The following COL28A1 variants were observed in gnomAD, a reference collection of about 807,000 sequenced individuals.
COL28A1 encodes collagen type XXVIII alpha 1 chain.
A neutral mutation model predicts 150.2 loss-of-function variants in COL28A1; 161 were observed. That is an observed-to-expected ratio of 1.07 (90% CI 0.94 to 1.22). The LOEUF (loss-of-function observed/expected upper bound fraction) is 1.22. Ranked by LOEUF, COL28A1 falls within the 50% of genes most tolerant of loss-of-function variation. The probability of loss-of-function intolerance (pLI) is 0.00; values close to 1 mark genes in which losing one functional copy is unlikely to be tolerated. For missense variants in COL28A1, 1,617 were observed against 1,388.3 expected (o/e 1.16, Z -2.62); for synonymous variants, 552 against 469.7 (o/e 1.18, Z -2.26).
chr7:7,531,937 T>C (rs1305299534), intron 2 of COL28A1, 33 bp from the exon 3 acceptor site: 3 of 1,355,316 alleles, frequency 2.2e-6, no homozygotes, highest in Non-Finnish European at 3.1e-6. Flanking sequence ...GGCAAAATAA[T>C]TATTCCTATC....
In COL28A1 at chr7:7,479,066, T is replaced by C. The variant is rs192159668; in HGVS notation, c.1165-1886A>G. Among the ~76,000 whole-genome samples the C allele has an allele frequency of 4.6e-3, 707 of 152,326 alleles. 5 individuals carry two copies. Among genetic ancestry groups the C allele is most frequent in the East Asian group, 0.022 (114 of 5,176 alleles). On this transcript the variant is annotated intron_variant, in intron 13 of 34. Coordinates refer to ENST00000399429, the MANE Select transcript of COL28A1 (RefSeq NM_001037763.3). ...AGGCTGAGGAGGCGCCAAGAGCAAG[T>C]GAGGGCTGCGAGGGCTGCCAGCACG...
At chr7:7,441,056 C>G (rs551544532) in intron 20 of COL28A1, among the ~76,000 whole-genome samples, 195 bp from the exon 21 acceptor site, 1 of 152,276 alleles carries the variant, frequency 6.6e-6, no homozygotes, top group South Asian at 2.1e-4. Context: ...TCAGCCTTTA[C>G]TATTTATTCA....
At chr7:7,487,201 T>C (rs1418221019) in intron 13 of COL28A1, among the ~76,000 whole-genome samples, 1 of 141,094 alleles carries the variant, frequency 7.1e-6, no homozygotes, top group East Asian at 1.9e-4. Context: ...ACACTCATTC[T>C]TAAGTTTAGT....
chr7:7,339,338 C>A, the COL28A1 span, among the ~76,000 whole-genome samples: 5 of 152,272 alleles, frequency 3.3e-5, no homozygotes, highest in South Asian at 1.0e-3. Context: ...AGCCCTAACA[C>A]TCCTCTAAGA....
intron 28 of COL28A1, 109 bp downstream of exon 28, chr7:7,381,435 G>T: frequency 1.4e-6 from 1 of 739,222 alleles, no homozygotes; most frequent in South Asian, 1.8e-5. Flanking sequence ...TTTTTCTTCT[G>T]AGAGTTGTAA....
intron 27 of COL28A1, among the ~76,000 whole-genome samples, chr7:7,413,677 T>C (rs1783911433): frequency 6.6e-6 from 1 of 152,120 alleles, no homozygotes; most frequent in Non-Finnish European, 1.5e-5. Context: ...TAAAATTCTG[T>C]GTGGAAGAAA....
Position 7,391,892 on chromosome 7 carries a change from T to C in COL28A1, c.2137-10280A>G, listed in dbSNP as rs1782567894. Among the ~76,000 whole-genome samples the C allele has an allele frequency of 3.3e-5, 5 of 151,110 alleles. No individual in the cohort carries two copies. In the South Asian group the frequency reaches 1.1e-3, roughly 32 times the overall value. ...CCTATGTGTGTCCTTGCACATGAGATGGGTCTCCTGAATACAACACACTGA... is the reference window on the plus strand; with the variant it reads ...CCTATGTGTGTCCTTGCACATGAGACGGGTCTCCTGAATACAACACACTGA... On this transcript the variant is annotated intron_variant, in intron 27 of 34. Coordinates refer to ENST00000399429, the MANE Select transcript of COL28A1 (RefSeq NM_001037763.3).
chr7:7,356,123 C>T (rs1371443131), downstream of COL28A1: 1 of 151,876 alleles, frequency 6.6e-6, no homozygotes, highest in African/African-American at 2.4e-5. Context: ...ATTTATATAT[C>T]ATAAAATATA....
intron 13 of COL28A1, among the ~76,000 whole-genome samples, chr7:7,488,796 TG>T (rs1433263638): frequency 6.6e-6 from 1 of 152,236 alleles, no homozygotes; most frequent in Non-Finnish European, 1.5e-5. Flanking sequence ...ACATTAGGCT[TG>T]AGTCCAGATC....
At chr7:7,357,338 C>T (rs562295039), downstream of COL28A1, among the ~76,000 whole-genome samples, 37 of 152,132 alleles carry the variant, frequency 2.4e-4, no homozygotes, top group Non-Finnish European at 4.0e-4. Flanking sequence ...GCGTGAGCCA[C>T]GGCGCCCAGC....
rs1780636146 is a variant in COL28A1 at position 7,503,309 on chromosome 7, GATC to G, written c.1026+2702_1026+2704del. ...AATCTGTACAATGGAAATAAGAATA[GATC>G]ATGTCTCAAAAGGTGGTATTAGTAT... On this transcript the variant is annotated intron_variant, in intron 11 of 34. Transcript: ENST00000399429. Among the ~76,000 whole-genome samples, 5 of 152,298 alleles carry G rather than the reference GATC, an allele frequency of 3.3e-5. No individual in the cohort carries two copies. In the South Asian group the frequency reaches 1.0e-3, roughly 32 times the overall value.
At chr7:7,475,664 C>T (rs950409645) in intron 14 of COL28A1, among the ~76,000 whole-genome samples, 2 of 152,140 alleles carry the variant, frequency 1.3e-5, no homozygotes, top group Non-Finnish European at 1.5e-5. Context: ...ATTTCTTTCT[C>T]TTTAAAAAAC....
At position 7,358,490 on chromosome 7, in the gene COL28A1, T is replaced by G. The variant is rs969123204; in HGVS notation, c.*143A>C. ...TAAGTGGTTAATAATATGTACATCC[T>G]AGGGCTGTAGTGAGAATTCAATTAC... On this transcript the variant is annotated 3_prime_UTR_variant, in exon 35 of 35. Coordinates refer to ENST00000399429, the MANE Select transcript of COL28A1 (RefSeq NM_001037763.3). 1 of 765,654 alleles carries G rather than the reference T, an allele frequency of 1.3e-6. No individual in the cohort carries two copies. Among genetic ancestry groups the G allele is most frequent in the African/African-American group, 1.8e-5 (1 of 56,704 alleles). The allele number at this position is 765,654 out of a possible 1,614,324, so 47.4% of individuals were successfully genotyped here.
At chr7:7,363,297 A>G (rs1180240485) in intron 33 of COL28A1, among the ~76,000 whole-genome samples, 1 of 152,156 alleles carries the variant, frequency 6.6e-6, no homozygotes, top group Admixed American at 6.5e-5. Context: ...CTCAAAAGTT[A>G]TATTTTACCT....
intron 27 of COL28A1, among the ~76,000 whole-genome samples, chr7:7,412,899 C>G (rs1229729785): frequency 6.6e-6 from 1 of 152,002 alleles, no homozygotes. Flanking sequence ...TCTAAGGTTA[C>G]AACTAGAAAA....
At chr7:7,351,355 C>T (rs992374593), downstream of COL28A1, among the ~76,000 whole-genome samples, 1 of 152,116 alleles carries the variant, frequency 6.6e-6, no homozygotes, top group African/African-American at 2.4e-5. Flanking sequence ...GAGTAGGAGG[C>T]CAGAAGCCAC....
chr7:7,356,602 C>G (rs1780367304), downstream of COL28A1: 1 of 151,280 alleles, frequency 6.6e-6, no homozygotes, highest in Non-Finnish European at 1.5e-5. Flanking sequence ...GACAAAAAAC[C>G]AAACACCGCA....
chr7:7,342,415 C>G, the COL28A1 span, among the ~76,000 whole-genome samples: 3 of 152,026 alleles, frequency 2.0e-5, no homozygotes, highest in Non-Finnish European at 2.9e-5. Context: ...AATGCTTGGT[C>G]TGAATACATT....
At chr7:7,362,697 A>T (rs1243440081) in intron 33 of COL28A1, among the ~76,000 whole-genome samples, 3 of 152,150 alleles carry the variant, frequency 2.0e-5, no homozygotes, top group South Asian at 4.1e-4. Context: ...TCCCCTAAAC[A>T]CAACTTTTGG....
Sources: gnomAD v4.1 joint callset for allele counts (sites outside exome capture counted in the v4.1 genomes callset) on GRCh38, gnomAD v4.1.1 for gene constraint, MANE v1.5 for transcripts, NCBI Gene and HGNC (gene_info 2026-07-23, HGNC 2026-07-21) for gene names.